Variants in TECTA observed in about 807,000 individuals in gnomAD.
The protein encoded by TECTA is alpha-tectorin.
A neutral mutation model predicts 216.8 loss-of-function variants in TECTA; 128 were observed. The ratio of observed to expected loss-of-function variants is 0.59; its 90% confidence interval spans 0.51 to 0.68. TECTA has a LOEUF of 0.68. Ranked by LOEUF, TECTA falls within the 30% of genes least tolerant of loss-of-function variation. The pLI, the probability that TECTA is intolerant of heterozygous loss-of-function variation, is 0.00. For synonymous variants in TECTA, 1,089 were observed against 1,117.1 expected (o/e 0.97, Z 0.50); for missense variants, 2,551 against 2,786.2 (o/e 0.92, Z 1.90).
At chr11:121,187,402 G>A (rs1440687316) in intron 20 of TECTA, among the ~76,000 whole-genome samples, 2 of 152,216 alleles carry the variant, frequency 1.3e-5, no homozygotes, top group South Asian at 2.1e-4. Context: ...CGCATGGGAA[G>A]TATTCCCAAC....
chr11:121,175,509 A>G (rs2134203867), intron 20 of TECTA, among the ~76,000 whole-genome samples: 1 of 152,192 alleles, frequency 6.6e-6, no homozygotes, highest in South Asian at 2.1e-4. Flanking sequence ...GTTTTGAGTG[A>G]GTTTCTTAAT....
intron 16 of TECTA, 98 bp from the exon 17 acceptor site, chr11:121,165,175 A>T (rs748504656): frequency 1.0e-4 from 115 of 1,155,448 alleles, no homozygotes; most frequent in Admixed American, 4.2e-4. Flanking sequence ...GACCATTTCC[A>T]ATGTGATTAA....
At chr11:121,160,028 G>A in intron 14 of TECTA, 107 bp from the exon 15 acceptor site, 2 of 1,301,518 alleles carry the variant, frequency 1.5e-6, no homozygotes, top group Non-Finnish European at 2.2e-6. Flanking sequence ...TTGAGACAGA[G>A]ATCACAGGGC....
At chr11:121,139,811 G>A (rs1946767006) in intron 11 of TECTA, among the ~76,000 whole-genome samples, 1 of 152,222 alleles carries the variant, frequency 6.6e-6, no homozygotes, top group African/African-American at 2.4e-5. Context: ...GGCAAGTTAG[G>A]AGTGTGTCAG....
rs774867371 is a variant in TECTA, at chr11:121,130,095, G to T, written c.2825G>T (p.Arg942Leu). The change falls in exon 10 of 24, where the codon CGC (arginine) becomes CTC (leucine). Residue 942 changes from arginine (R) to leucine (L), a missense_variant. By Grantham distance (102) the Arg-to-Leu change is moderately radical. Around this residue, in one of 3 missense-constraint regions of TECTA, gnomAD observed 2,375 missense variants for 2,563.9 expected, o/e 0.93. Coordinates refer to ENST00000392793, the MANE Select transcript of TECTA (RefSeq NM_005422.4). ...GCCTATTACCGCACCTGCCTTTTCC[G>T]CCTGTGCCAGAGTGGGGGCAATGAG... Reference protein sequence around the residue: ...VTAYYRTCLFRLCQSGGNESE... With the variant: ...VTAYYRTCLFLLCQSGGNESE... 11 of 1,613,664 alleles carry T rather than the reference G, an allele frequency of 6.8e-6. No homozygotes were observed. The Admixed American group carries it at 1.8e-4, about 27-fold the overall frequency.
chr11:121,116,089 C>T (rs1946498861), intron 6 of TECTA, among the ~76,000 whole-genome samples: 2 of 152,172 alleles, frequency 1.3e-5, no homozygotes, highest in Admixed American at 1.3e-4. Flanking sequence ...CTGCCTGGAC[C>T]CTTGCCTCTG....
intron 12 of TECTA, among the ~76,000 whole-genome samples, chr11:121,146,438 T>C (rs1946839651): frequency 6.6e-6 from 1 of 152,138 alleles, no homozygotes; most frequent in African/African-American, 2.4e-5. Flanking sequence ...ACGAGATTAA[T>C]GAAAGAAGGA....
In TECTA at chr11:121,105,280, C is replaced by A. The variant is rs1946380560; in HGVS notation, c.65-551C>A. Reference sequence around the variant, plus strand: ...GCAAAGAGCCTCTTGCAGGGCCGCCCTCAATCAAGGTCATTCATGGGCCAA... The same window carrying A: ...GCAAAGAGCCTCTTGCAGGGCCGCCATCAATCAAGGTCATTCATGGGCCAA... On this transcript the variant is annotated intron_variant, in intron 2 of 23. Coordinates refer to ENST00000392793, the MANE Select transcript of TECTA (RefSeq NM_005422.4). This position sits in a 1 kb window ranked among gnomAD's most constrained non-coding sequence, Gnocchi z 5.3. Among the ~76,000 whole-genome samples, 1 of 152,244 alleles carries A rather than the reference C, an allele frequency of 6.6e-6. No individual in the cohort carries two copies.
chr11:121,166,707 C>A lies in TECTA; in HGVS notation c.5513C>A (p.Thr1838Asn). 1.9e-6 allele frequency: 3 copies of A among 1,614,188 alleles called. No homozygotes were observed. The highest frequency in any genetic ancestry group is 2.5e-6 in the Non-Finnish European group (3 of 1,180,038). ...EGVRINDRQCTGIEGEDFISF... is the reference protein window; with the variant it reads ...EGVRINDRQCNGIEGEDFISF... ...GTGAGGATCAATGACAGACAGTGCA[C>A]CGGCATCGAGGGGGAAGATTTTATC... The change falls in exon 18 of 24, where the codon ACC becomes AAC. Residue 1838 changes from threonine (T) to asparagine (N), a missense_variant. By Grantham distance (65) the Thr-to-Asn change is moderately conservative (BLOSUM62 0). Around this residue, in one of 3 missense-constraint regions of TECTA, gnomAD observed 2,375 missense variants for 2,563.9 expected, o/e 0.93. Coordinates refer to ENST00000392793, the MANE Select transcript of TECTA (RefSeq NM_005422.4).
At chr11:121,134,534 C>T (rs1340349246) in intron 10 of TECTA, among the ~76,000 whole-genome samples, 2 of 152,034 alleles carry the variant, frequency 1.3e-5, no homozygotes, top group African/African-American at 4.8e-5. Flanking sequence ...CTTCTGTCGG[C>T]CACCACATCC....
In TECTA at chr11:121,130,019, G is replaced by C; in HGVS notation, c.2749G>C (p.Asp917His). ...RSRSRCGIIN[D>H]PSNSSFLECH... ...CCGCTCCAGGTGCGGCATCATCAAC[G>C]ACCCCTCCAACAGCTCCTTCCTGGA... The change falls in exon 10 of 24, where the codon GAC (aspartate) becomes CAC (histidine). Residue 917 changes from aspartate (D) to histidine (H), a missense_variant. By Grantham distance (81) the Asp-to-His change is moderately conservative. Coordinates refer to ENST00000392793, the MANE Select transcript of TECTA (RefSeq NM_005422.4). 1 of 1,610,580 alleles carries C rather than the reference G, an allele frequency of 6.2e-7. No homozygotes were observed. Among genetic ancestry groups the C allele is most frequent in the Non-Finnish European group, 8.5e-7 (1 of 1,177,538 alleles).
intron 10 of TECTA, among the ~76,000 whole-genome samples, chr11:121,132,077 A>T (rs1946680632): frequency 6.6e-6 from 1 of 152,220 alleles, no homozygotes; most frequent in Non-Finnish European, 1.5e-5. Flanking sequence ...GAACTTGCAT[A>T]CACTAGATTT....
rs189808408 is a variant in TECTA, at chr11:121,127,314, T to C, written c.1775-438T>C. Among the ~76,000 whole-genome samples, 960 of 152,294 alleles carry C rather than the reference T, an allele frequency of 6.3e-3. 2 individuals carry two copies. The highest frequency in any genetic ancestry group is 0.01 in the Non-Finnish European group (683 of 68,022). On this transcript the variant is annotated intron_variant, in intron 8 of 23. Transcript: ENST00000392793. This position sits in a 1 kb window ranked among gnomAD's most constrained non-coding sequence, Gnocchi z 5.0. Reference sequence around the variant, plus strand: ...AAATTTCACGTTTTCAAATTACTCCTCTAATGGTTACATTTTTCATTTCTC... The same window carrying C: ...AAATTTCACGTTTTCAAATTACTCCCCTAATGGTTACATTTTTCATTTCTC...
chr11:121,125,195 A>G, intron 7 of TECTA, 107 bp from the exon 8 acceptor site: 1 of 1,177,878 alleles, frequency 8.5e-7, no homozygotes, highest in East Asian at 2.3e-5. Flanking sequence ...TTAGGTGGCC[A>G]TTCTCTCTGG....
chr11:121,129,030 T>G (rs191535277), intron 9 of TECTA, among the ~76,000 whole-genome samples: 2 of 152,332 alleles, frequency 1.3e-5, no homozygotes, highest in African/African-American at 4.8e-5. Flanking sequence ...AACATGCATT[T>G]TATGTCACCT....
rs562252849 is a variant in TECTA at position 121,128,155 on chromosome 11, C to T, written c.2178C>T (p.Gly726=). The change falls in exon 9 of 24, where the codon GGC becomes GGT. Residue 726 remains glycine, a synonymous_variant. Transcript: ENST00000392793. ...ACCAGGTGCTGCACACCTTTGACGG[C>T]GCCTCCTACGCCTTCCCCTCCGAGT... The part of the protein sequence containing the change: ...SQNQVLHTFD[G]ASYAFPSEFS... 5 of 1,611,252 alleles carry T rather than the reference C, an allele frequency of 3.1e-6. No homozygotes were observed. In the South Asian group the frequency reaches 5.5e-5, roughly 18 times the overall value.
intron 10 of TECTA, among the ~76,000 whole-genome samples, chr11:121,131,785 C>G (rs1946677533): frequency 6.6e-6 from 1 of 152,170 alleles, no homozygotes; most frequent in Non-Finnish European, 1.5e-5. Flanking sequence ...ATTTTGCAGA[C>G]TGTTTCTCAG....
chr11:121,120,140 T>C (rs1946543133), intron 7 of TECTA, among the ~76,000 whole-genome samples: 1 of 152,098 alleles, frequency 6.6e-6, no homozygotes, highest in African/African-American at 2.4e-5. Flanking sequence ...TGATTAAAAT[T>C]CTTTTTTATT....
In TECTA at chr11:121,189,138, T is replaced by A; in HGVS notation, c.6221T>A (p.Ile2074Asn). ...TACACAAAAGAGCCCAAAGAACAGATCATTTCAGTGGGACCTATTAGGAGA... is the reference window on the plus strand; with the variant it reads ...TACACAAAAGAGCCCAAAGAACAGAACATTTCAGTGGGACCTATTAGGAGA... ...TDYTKEPKEQ[I>N]ISVGPIRRKR... The change falls in exon 22 of 24, where the codon ATC (isoleucine) becomes AAC (asparagine). Residue 2074 changes from isoleucine (I) to asparagine (N), a missense_variant. By Grantham distance (149) the Ile-to-Asn change is moderately radical. Transcript: ENST00000392793. 6.2e-7 allele frequency: 1 copy of A among 1,614,134 alleles called. No individual in the cohort carries two copies. Among genetic ancestry groups the A allele is most frequent in the African/African-American group, 1.3e-5 (1 of 75,024 alleles).
Sources: allele counts gnomAD v4.1 joint callset (sites outside exome capture counted in the v4.1 genomes callset), GRCh38; gene constraint gnomAD v4.1.1; regional missense constraint gnomAD v4.1.1; non-coding constraint Gnocchi (gnomAD v3.1); transcripts MANE v1.5; gene names NCBI Gene and HGNC (gene_info 2026-07-23, HGNC 2026-07-21).